The following FDX2 variants were observed in gnomAD, a reference collection of about 807,000 sequenced individuals.
FDX2 encodes the protein ferredoxin 2.
A neutral mutation model predicts 18.5 loss-of-function variants in FDX2; 13 were observed. The observed-to-expected ratio is 0.70, with a 90% CI of 0.46 to 1.12. The LOEUF (loss-of-function observed/expected upper bound fraction) is 1.12. Ranked by LOEUF, FDX2 falls within the 50% of genes most tolerant of loss-of-function variation. FDX2 has a pLI of 0.00. For missense variants in FDX2, 238 were observed against 250.4 expected (o/e 0.95, Z 0.34); for synonymous variants, 132 against 106.2 (o/e 1.24, Z -1.49).
Position 10,310,616 on chromosome 19 carries a change from G to C in FDX2, c.431C>G (p.Pro144Arg). 1 of 1,614,002 alleles carries C rather than the reference G, an allele frequency of 6.2e-7. No individual in the cohort carries two copies. Among genetic ancestry groups the C allele is most frequent in the Non-Finnish European group, 8.5e-7 (1 of 1,179,962 alleles). Residue 144 changes from proline (P) to arginine (R), a missense_variant, in exon 5 of 5, where the codon CCC (proline) becomes CGC (arginine). Physicochemically the swap from Pro to Arg is moderately radical, Grantham distance 103. Coordinates refer to ENST00000393708, the MANE Select transcript of FDX2 (RefSeq NM_001031734.4). ...CAGCCGCGAGTTCTCCTGGAGGAGG[G>C]GGGCCATGTCTAGCATGTCGTCTTC...
Position 10,310,641 on chromosome 19 carries a change from C to T in FDX2, c.406G>A (p.Glu136Lys). Residue 136 changes from glutamate to lysine, a missense_variant and splice_region_variant, in exon 5 of 5, where the codon GAA becomes AAA. Physicochemically the swap from Glu to Lys is moderately conservative, Grantham distance 56. Coordinates refer to ENST00000393708, the MANE Select transcript of FDX2 (RefSeq NM_001031734.4). Reference sequence around the variant, plus strand: ...GGGGCCATGTCTAGCATGTCGTCTTCCCTAGGGTGGTGACACGGGCAGTGT... The same window carrying T: ...GGGGCCATGTCTAGCATGTCGTCTTTCCTAGGGTGGTGACACGGGCAGTGT... 1 of 1,613,572 alleles carries T rather than the reference C, an allele frequency of 6.2e-7. No individual in the cohort carries two copies. Among genetic ancestry groups the T allele is most frequent in the Non-Finnish European group, 8.5e-7 (1 of 1,179,892 alleles).
rs2040370928 is a variant in FDX2 at position 10,315,373 on chromosome 19, G to GCCCGGTTCCTACCTTCCAGGTCCAC, written c.304_316+12dup. The GCCCGGTTCCTACCTTCCAGGTCCAC allele has an allele frequency of 6.9e-7, 1 of 1,457,694 alleles. No homozygotes were observed. The highest frequency in any genetic ancestry group is 1.6e-5 in the African/African-American group (1 of 61,740). 90.3% of individuals were successfully genotyped at this position (1,457,694 alleles called of 1,614,324 possible). The stretch of plus-strand genomic sequence containing the variant: ...TATAAGGACCTCCTTAATTCCCTCT[G>GCCCGGTTCCTACCTTCCAGGTCCAC]CCCGGTTCCTACCTTCCAGGTCCAC... On this transcript the variant is annotated intron_variant, in intron 3 of 4. Transcript: ENST00000393708.
chr19:10,310,328 TG>T lies in FDX2; in HGVS notation c.*157del. 9.3e-7 allele frequency: 1 copy of T among 1,072,470 alleles called. No individual in the cohort carries two copies. The highest frequency in any genetic ancestry group is 1.3e-6 in the Non-Finnish European group (1 of 753,546). 66.4% of individuals were successfully genotyped at this position (1,072,470 alleles called of 1,614,324 possible). Reference sequence around the variant, plus strand: ...TAGGGGCCCTGTCCCCACCAGAGCCTGGACATGGGACTCTCTCCCAAGCAGG... The same window carrying T: ...TAGGGGCCCTGTCCCCACCAGAGCCTGACATGGGACTCTCTCCCAAGCAGG... On this transcript the variant is annotated 3_prime_UTR_variant, in exon 5 of 5. Transcript: ENST00000393708.
chr19:10,313,392 C>G (rs943934909), intron 3 of FDX2, among the ~76,000 whole-genome samples: 1 of 151,822 alleles, frequency 6.6e-6, no homozygotes, highest in Non-Finnish European at 1.5e-5. Flanking sequence ...CCTATTAGAC[C>G]GAAATGGATG....
At chr19:10,310,705 A>T in intron 4 of FDX2, 63 bp from the exon 5 acceptor site, 2 of 316,490 alleles carry the variant, frequency 6.3e-6, no homozygotes, top group Non-Finnish European at 9.5e-6. Flanking sequence ...GGGGGGCCAG[A>T]GGTGGGGGAG....
chr19:10,315,318 GGTTT>G lies in FDX2; in HGVS notation c.316+64_316+67del, dbSNP rs2040368694. On this transcript the variant is annotated intron_variant, in intron 3 of 4. Coordinates refer to ENST00000393708, the MANE Select transcript of FDX2 (RefSeq NM_001031734.4). ...CGTGAAGAGACACACCTAATTTGTG[GGTTT>G]TTTTTTTTTTTTTTTTGGACAAATG... is the stretch of plus-strand genomic sequence containing the variant. 3.4e-3 allele frequency: 1,430 copies of G among 424,496 alleles called. 28 individuals carry two copies. Among genetic ancestry groups the G allele is most frequent in the Middle Eastern group, 4.7e-3 (8 of 1,718 alleles). The allele number at this position is 424,496 out of a possible 1,614,324, so 26.3% of individuals were successfully genotyped here.
chr19:10,315,571 G>A lies in FDX2; in HGVS notation c.210-79C>T, dbSNP rs568594287. The A allele has an allele frequency of 6.1e-5, 94 of 1,546,860 alleles. No individual in the cohort carries two copies. In the African/African-American group the frequency reaches 1.2e-3, roughly 20 times the overall value. On this transcript the variant is annotated intron_variant, in intron 2 of 4. Coordinates refer to ENST00000393708, the MANE Select transcript of FDX2 (RefSeq NM_001031734.4). ...GGTAGAATCTAGGGTTAGGAAGTAG[G>A]AATTGAGGCTTGACGCACAGGTACT...
In FDX2 at chr19:10,310,358, G is replaced by A; in HGVS notation, c.*128C>T. 2 of 1,296,940 alleles carry A rather than the reference G, an allele frequency of 1.5e-6. No homozygotes were observed. Among genetic ancestry groups the A allele is most frequent in the African/African-American group, 1.5e-5 (1 of 68,094 alleles). The allele number at this position is 1,296,940 out of a possible 1,614,324, so 80.3% of individuals were successfully genotyped here. ...ATGGGACTCTCTCCCAAGCAGGGGT[G>A]TTGTCCTTCACAGGGGCTTCCACGT... On this transcript the variant is annotated 3_prime_UTR_variant, in exon 5 of 5. Coordinates refer to ENST00000393708, the MANE Select transcript of FDX2 (RefSeq NM_001031734.4).
At chr19:10,315,328 T>TTTTTG (rs2145056984) in intron 3 of FDX2, 58 bp downstream of exon 3, 2 of 1,014,482 alleles carry the variant, frequency 2.0e-6, no homozygotes, top group Non-Finnish European at 2.8e-6. Flanking sequence ...GGTTTTTTTT[T>TTTTTG]TTTTTTTTTT....
intron 3 of FDX2, among the ~76,000 whole-genome samples, chr19:10,311,971 A>G (rs1431685303): frequency 6.8e-6 from 1 of 147,976 alleles, no homozygotes; most frequent in Admixed American, 6.8e-5. Flanking sequence ...CCCAGGTTCA[A>G]GTGATTCTCC....
rs776052812 is a variant in FDX2, at chr19:10,315,377, G to T, written c.316+9C>A. 3.3e-6 allele frequency: 5 copies of T among 1,533,684 alleles called. No individual in the cohort carries two copies. Among genetic ancestry groups the T allele is most frequent in the Middle Eastern group, 1.7e-4 (1 of 5,726 alleles). On this transcript the variant is annotated intron_variant, in intron 3 of 4. Coordinates refer to ENST00000393708, the MANE Select transcript of FDX2 (RefSeq NM_001031734.4). ...AGGACCTCCTTAATTCCCTCTGCCC[G>T]GTTCCTACCTTCCAGGTCCACCCCG... is the stretch of plus-strand genomic sequence containing the variant.
intron 3 of FDX2, among the ~76,000 whole-genome samples, chr19:10,313,990 T>G (rs187785723): frequency 4.2e-4 from 62 of 149,018 alleles, no homozygotes; most frequent in South Asian, 1.1e-3. Context: ...GGCCTTTTTT[T>G]TTTGTTTGTT....
intron 3 of FDX2, among the ~76,000 whole-genome samples, chr19:10,311,730 G>A (rs1022126706): frequency 6.9e-6 from 1 of 145,782 alleles, no homozygotes; most frequent in African/African-American, 2.5e-5. Flanking sequence ...TTGAGACAGG[G>A]TCTCACTCTG....
chr19:10,310,861 G>C lies in FDX2; in HGVS notation c.396C>G (p.Pro132=). The change falls in exon 4 of 5, where the codon CCC becomes CCG. Residue 132 remains proline, a synonymous_variant. Coordinates refer to ENST00000393708, the MANE Select transcript of FDX2 (RefSeq NM_001031734.4). ...AGGGCTGACCCACTCACCTCTCCTC[G>C]GGAGGAGGCAGGAGATCCAGGTGGT... The C allele has an allele frequency of 1.9e-6, 3 of 1,613,704 alleles. No homozygotes were observed. Among genetic ancestry groups the C allele is most frequent in the Non-Finnish European group, 2.5e-6 (3 of 1,179,844 alleles).
chr19:10,315,883 C>CG lies in FDX2; in HGVS notation c.122dup (p.Leu42AlafsTer68). 6.2e-7 allele frequency: 1 copy of CG among 1,601,468 alleles called. No homozygotes were observed. The highest frequency in any genetic ancestry group is 8.5e-7 in the Non-Finnish European group (1 of 1,175,552). On this transcript the variant is annotated frameshift_variant, in exon 1 of 5. Transcript: ENST00000393708. LOFTEE classifies it high-confidence loss of function. ...CTTGAAACTTTCTGGTTGTCCCCAGCGCCACCCCCTCCCCCGACCCGGAAG... is the reference window on the plus strand; with the variant it reads ...CTTGAAACTTTCTGGTTGTCCCCAGCGGCCACCCCCTCCCCCGACCCGGAAG...
At chr19:10,315,263 G>A in intron 3 of FDX2, 123 bp downstream of exon 3, 1 of 753,106 alleles carries the variant, frequency 1.3e-6, no homozygotes, top group Non-Finnish European at 2.1e-6. Flanking sequence ...GAGGGGTTTG[G>A]ATTTTAGTCC....
In FDX2 at chr19:10,315,712, C is replaced by G. The variant is rs903225682; in HGVS notation, c.202G>C (p.Gly68Arg). Residue 68 changes from glycine (G) to arginine (R), a missense_variant, in exon 2 of 5, where the codon GGG (glycine) becomes CGG (arginine). Coordinates refer to ENST00000393708, the MANE Select transcript of FDX2 (RefSeq NM_001031734.4). ...TTGGCCCCCTGCACTCACACGTCCCCGGGCCGCTCCGGGCCGCCCGCGTCC... is the reference window on the plus strand; with the variant it reads ...TTGGCCCCCTGCACTCACACGTCCCGGGGCCGCTCCGGGCCGCCCGCGTCC... 6.4e-7 allele frequency: 1 copy of G among 1,550,940 alleles called. No individual in the cohort carries two copies. Among genetic ancestry groups the G allele is most frequent in the Non-Finnish European group, 8.7e-7 (1 of 1,148,262 alleles).
intron 3 of FDX2, among the ~76,000 whole-genome samples, chr19:10,314,092 T>C (rs928999880): frequency 5.9e-5 from 9 of 151,840 alleles, no homozygotes; most frequent in Non-Finnish European, 1.2e-4. Flanking sequence ...CAAGTGATTC[T>C]TGTGCCTCAG....
rs1292025353 is a variant in FDX2 at position 10,310,680 on chromosome 19, G to A, written c.405-38C>T. 4.4e-6 allele frequency: 7 copies of A among 1,587,142 alleles called. No homozygotes were observed. In the African/African-American group the frequency reaches 9.5e-5, roughly 22 times the overall value. Reference sequence around the variant, plus strand: ...CACGGGCAGTGTTAGCCGAGGGCAAGCTAGCTGGGTGGGTGGGGGGCCAGA... The same window carrying A: ...CACGGGCAGTGTTAGCCGAGGGCAAACTAGCTGGGTGGGTGGGGGGCCAGA... On this transcript the variant is annotated intron_variant, in intron 4 of 4. Coordinates refer to ENST00000393708, the MANE Select transcript of FDX2 (RefSeq NM_001031734.4).
Sources: gnomAD v4.1 joint callset for allele counts (sites outside exome capture counted in the v4.1 genomes callset) on GRCh38, gnomAD v4.1.1 for gene constraint, MANE v1.5 for transcripts, NCBI Gene and HGNC (gene_info 2026-07-23, HGNC 2026-07-21) for gene names.